TYW1: variants seen among roughly 807,000 people sequenced by gnomAD.
TYW1 encodes tRNA-yW synthesizing protein 1 homolog.
Under a neutral mutation model 96.2 loss-of-function variants are expected in TYW1, and 46 were observed. That is an observed-to-expected ratio of 0.48 (90% CI 0.38 to 0.61). The LOEUF (loss-of-function observed/expected upper bound fraction) is 0.61, where lower values mean the gene tolerates loss of function less well. Among genes scored for constraint, TYW1 ranks in the 20% least tolerant of loss-of-function variants. The pLI is 0.00. For synonymous variants in TYW1, 274 were observed against 323.0 expected (o/e 0.85, Z 1.63); for missense variants, 684 against 909.6 (o/e 0.75, Z 3.19).
At chr7:67,171,438 CT>C (rs2116261012) in intron 13 of TYW1, among the ~76,000 whole-genome samples, 1 of 152,028 alleles carries the variant, frequency 6.6e-6, no homozygotes, top group South Asian at 2.1e-4. Context: ...ATTTACTCTT[CT>C]TTTGCTAGGT....
chr7:67,147,452 G>T (rs1489961085), intron 13 of TYW1, among the ~76,000 whole-genome samples: 1 of 151,980 alleles, frequency 6.6e-6, no homozygotes, highest in Non-Finnish European at 1.5e-5. Flanking sequence ...AAGTTCAAAG[G>T]TATACGTGCA....
intron 6 of TYW1, among the ~76,000 whole-genome samples, chr7:67,021,132 T>C (rs1794248263): frequency 6.6e-6 from 1 of 152,300 alleles, no homozygotes; most frequent in South Asian, 2.1e-4. Context: ...CCTAGGGGAT[T>C]GTCATACGTT....
Position 67,083,427 on chromosome 7 carries a change from T to C in TYW1, c.1275-3T>C. 6.2e-7 allele frequency: 1 copy of C among 1,614,068 alleles called. No homozygotes were observed. Among genetic ancestry groups the C allele is most frequent in the Non-Finnish European group, 8.5e-7 (1 of 1,179,962 alleles). ...CTTTTAGAACTTTGCATCTTGTTCCTAGGCACCACACCAACCCCGTGGGCA... is the reference window on the plus strand; with the variant it reads ...CTTTTAGAACTTTGCATCTTGTTCCCAGGCACCACACCAACCCCGTGGGCA... On this transcript the variant is annotated splice_polypyrimidine_tract_variant and splice_region_variant and intron_variant, in intron 10 of 15. Coordinates refer to ENST00000359626, the MANE Select transcript of TYW1 (RefSeq NM_018264.4).
At chr7:67,221,128 C>T (rs1801380566) in intron 15 of TYW1, among the ~76,000 whole-genome samples, 1 of 152,162 alleles carries the variant, frequency 6.6e-6, no homozygotes, top group Non-Finnish European at 1.5e-5. Flanking sequence ...GTCATTTCTC[C>T]TTTCAATTAT....
intron 9 of TYW1, among the ~76,000 whole-genome samples, chr7:67,056,596 C>G (rs1468818881): frequency 6.6e-6 from 1 of 151,912 alleles, no homozygotes; most frequent in Admixed American, 6.6e-5. Flanking sequence ...GCATCCGTGT[C>G]GTATCATGTA....
chr7:67,149,757 T>TCTATCTAC (rs1193483020), intron 13 of TYW1, among the ~76,000 whole-genome samples: 5 of 83,990 alleles, frequency 6.0e-5, no homozygotes, highest in Non-Finnish European at 9.9e-5. Context: ...TATCTATCTA[T>TCTATCTAC]CTATCTATCT....
At chr7:67,072,135 C>T (rs1294305972) in intron 10 of TYW1, among the ~76,000 whole-genome samples, 1 of 149,730 alleles carries the variant, frequency 6.7e-6, no homozygotes, top group African/African-American at 2.5e-5. Context: ...GCCTTGGTGC[C>T]TAGCTCTTCT....
intron 13 of TYW1, among the ~76,000 whole-genome samples, chr7:67,164,431 G>A (rs10155972): frequency 0.28 from 42,518 of 151,382 alleles, 6,480 homozygotes; most frequent in African/African-American, 0.4. Flanking sequence ...GCAACATAGC[G>A]AAACATCTCT....
chr7:67,014,045 T>C (rs772031503), intron 4 of TYW1, among the ~76,000 whole-genome samples: 14 of 152,114 alleles, frequency 9.2e-5, no homozygotes, highest in Non-Finnish European at 2.1e-4. Context: ...ACCCGGCCTG[T>C]ATTTTTTCTT....
chr7:67,119,294 T>C (rs915124372), intron 13 of TYW1, among the ~76,000 whole-genome samples: 1 of 152,102 alleles, frequency 6.6e-6, no homozygotes, highest in African/African-American at 2.4e-5. Context: ...TCATTTGGTA[T>C]GCAGCCAGAT....
intron 7 of TYW1, among the ~76,000 whole-genome samples, chr7:67,029,415 GTATATA>G (rs55802244): frequency 3.2e-5 from 3 of 94,320 alleles, no homozygotes; most frequent in East Asian, 4.7e-4. Context: ...GTGTGTGTGT[GTATATA>G]TATATATATA....
chr7:67,167,929 A>G, intron 13 of TYW1, among the ~76,000 whole-genome samples: 1 of 151,690 alleles, frequency 6.6e-6, no homozygotes, highest in East Asian at 1.9e-4. Flanking sequence ...TCATTTTTGT[A>G]TTTTTAGTAG....
chr7:67,043,645 C>CT (rs1369231669), intron 7 of TYW1, among the ~76,000 whole-genome samples: 2 of 152,076 alleles, frequency 1.3e-5, no homozygotes, highest in Non-Finnish European at 2.9e-5. Context: ...TTTACTTCAC[C>CT]TAGAAACAAG....
intron 11 of TYW1, chr7:67,089,560 C>T (rs996342514): frequency 3.2e-6 from 2 of 625,554 alleles, no homozygotes; most frequent in African/African-American, 1.8e-5. Flanking sequence ...CGCCTGCCGT[C>T]TGTCCTGGGT....
chr7:67,208,730 C>T (rs887870270), intron 15 of TYW1, among the ~76,000 whole-genome samples: 7 of 150,954 alleles, frequency 4.6e-5, no homozygotes, highest in Admixed American at 3.3e-4. Flanking sequence ...CTAGAGGGAT[C>T]CCAGACATCA....
intron 13 of TYW1, among the ~76,000 whole-genome samples, chr7:67,118,073 C>T (rs1797650606): frequency 6.6e-6 from 1 of 152,134 alleles, no homozygotes; most frequent in African/African-American, 2.4e-5. Flanking sequence ...GCCTGCAAAC[C>T]CAGTACTTTG....
At chr7:67,106,123 C>T (rs1208371046) in intron 12 of TYW1, among the ~76,000 whole-genome samples, 1 of 152,132 alleles carries the variant, frequency 6.6e-6, no homozygotes, top group Non-Finnish European at 1.5e-5. Context: ...TCTCAAACTC[C>T]TGACCTCAGG....
intron 13 of TYW1, among the ~76,000 whole-genome samples, chr7:67,148,878 G>T (rs1473520214): frequency 6.6e-6 from 1 of 152,166 alleles, no homozygotes; most frequent in African/African-American, 2.4e-5. Context: ...TGTTTTTAAT[G>T]ATATTTCCTT....
intron 15 of TYW1, among the ~76,000 whole-genome samples, chr7:67,228,989 A>G (rs1728553022): frequency 6.6e-6 from 1 of 152,228 alleles, no homozygotes; most frequent in South Asian, 2.1e-4. Flanking sequence ...TGGGAGGAGA[A>G]TGTACTTCAC....
Sources: allele counts gnomAD v4.1 joint callset (sites outside exome capture counted in the v4.1 genomes callset), GRCh38; gene constraint gnomAD v4.1.1; transcripts MANE v1.5; gene names NCBI Gene and HGNC (gene_info 2026-07-23, HGNC 2026-07-21).